The following MUC5AC variants were observed in gnomAD, a reference collection of about 807,000 sequenced individuals.
The protein encoded by MUC5AC is mucin-5AC.
Under a neutral mutation model 169.7 loss-of-function variants are expected in MUC5AC, and 158 were observed. The ratio of observed to expected loss-of-function variants is 0.93; its 90% CI spans 0.82 to 1.06. The LOEUF (loss-of-function observed/expected upper bound fraction) is 1.06, where lower values mean the gene tolerates loss of function less well. MUC5AC is among the 50% of genes least tolerant of loss of function. The probability of loss-of-function intolerance (pLI) is 0.00; values close to 1 mark genes in which losing one functional copy is unlikely to be tolerated. For missense variants in MUC5AC, 4,359 were observed against 3,089.9 expected, an observed-to-expected ratio of 1.41 and a Z score of -9.74; for synonymous variants, 1,975 against 1,237.0, an observed-to-expected ratio of 1.60 and a Z score of -12.52.
At chr11:1,162,673 G>A (rs762669470) in intron 5 of MUC5AC, 27 bp downstream of exon 5, 58 of 1,600,204 alleles carry the variant, frequency 3.6e-5, no homozygotes, top group East Asian at 1.1e-4. Flanking sequence ...GTGTCCCGGT[G>A]TGCAACTCCA....
Position 1,175,121 on chromosome 11 carries a change from G to A in MUC5AC, c.2332G>A (p.Asp778Asn), listed in dbSNP as rs918439995. 3.0e-5 allele frequency: 12 copies of A among 398,624 alleles called. No individual in the cohort carries two copies. The highest frequency in any genetic ancestry group is 6.2e-5 in the African/African-American group (3 of 48,640). The allele number at this position is 398,624 out of a possible 1,614,324, so 24.7% of individuals were successfully genotyped here. ...SMIPNGESVH[D>N]SGAICTCTHG... The stretch of plus-strand genomic sequence containing the variant: ...GATCCCCAATGGGGAGTCGGTGCAC[G>A]ACAGCGGGGCTATCTGGTAAGAGCT... Residue 778 changes from aspartate to asparagine, a missense_variant, in exon 18 of 49, where the codon GAC becomes AAC. By Grantham distance (23) the Asp-to-Asn change is conservative. Coordinates refer to ENST00000621226, the MANE Select transcript of MUC5AC (RefSeq NM_001304359.2).
Position 1,172,945 on chromosome 11 carries a change from CCCACTCACCCATTCACTCACTCAT to C in MUC5AC, c.1965+434_1965+457del, listed in dbSNP as rs1380584791. Among the ~76,000 whole-genome samples the C allele has an allele frequency of 3.0e-3, 446 of 150,542 alleles. 2 individuals carry two copies. Among genetic ancestry groups the C allele is most frequent in the African/African-American group, 0.01 (423 of 40,816 alleles). On this transcript the variant is annotated intron_variant, in intron 16 of 48. Coordinates refer to ENST00000621226, the MANE Select transcript of MUC5AC (RefSeq NM_001304359.2). The stretch of plus-strand genomic sequence containing the variant: ...ACCCACTCACCCATTCTCTCACTCG[CCCACTCACCCATTCACTCACTCAT>C]CCACTCACCCACCCATTCACCCACT...
rs79770616 is a variant in MUC5AC, at chr11:1,192,021, G to A, written c.13876G>A (p.Asp4626Asn). 2.6e-6 allele frequency: 2 copies of A among 765,138 alleles called. No homozygotes were observed. The highest frequency in any genetic ancestry group is 4.8e-6 in the Non-Finnish European group (2 of 417,916). The allele number at this position is 765,138 out of a possible 1,614,324, so 47.4% of individuals were successfully genotyped here. A position where few individuals can be genotyped will look rare whatever the true frequency, so the allele number is the denominator to read the frequency against. ...AACCCACTCCCAACCAGTCACCAGT[G>A]ACTGTCATCCTCTGTGCGCCTGGAC... is the stretch of plus-strand genomic sequence containing the variant. ...KTTHSQPVTSDCHPLCAWTKW... is the reference protein window; with the variant it reads ...KTTHSQPVTSNCHPLCAWTKW... The change falls in exon 31 of 49, where the codon GAC (aspartate) becomes AAC (asparagine). Residue 4626 changes from aspartate to asparagine, a missense_variant. Asp to Asn is a conservative substitution (Grantham distance 23). Transcript: ENST00000621226.
chr11:1,162,734 TGCCCTGG>T (rs2133716052), intron 5 of MUC5AC, 88 bp downstream of exon 5: 2 of 1,304,856 alleles, frequency 1.5e-6, no homozygotes, highest in Admixed American at 3.6e-5. Context: ...GGGTAGAAGG[TGCCCTGG>T]GCCCAGTCAG....
In MUC5AC at chr11:1,194,506, T is replaced by C; in HGVS notation, c.15026T>C (p.Val5009Ala). Residue 5009 changes from valine (V) to alanine (A), a missense_variant, in exon 35 of 49, where the codon GTG (valine) becomes GCG (alanine). By Grantham distance (64) the Val-to-Ala change is moderately conservative. Coordinates refer to ENST00000621226, the MANE Select transcript of MUC5AC (RefSeq NM_001304359.2). ...MTNEIIFNNK[V>A]VSPGFRKNGI... ...GTCCAGATCATCTTCAACAACAAGG[T>C]GGTCAGCCCCGGCTTCCGGAAAAAC... 1 of 760,454 alleles carries C rather than the reference T, an allele frequency of 1.3e-6. No individual in the cohort carries two copies. Among genetic ancestry groups the C allele is most frequent in the Non-Finnish European group, 2.4e-6 (1 of 414,772 alleles). The allele number at this position is 760,454 out of a possible 1,614,324, so 47.1% of individuals were successfully genotyped here.
Position 1,188,395 on chromosome 11 carries a change from C to T in MUC5AC, c.10250C>T (p.Ala3417Val). 1.6e-6 allele frequency: 1 copy of T among 631,270 alleles called. No individual in the cohort carries two copies. The highest frequency in any genetic ancestry group is 1.7e-5 in the South Asian group (1 of 59,120). The allele number at this position is 631,270 out of a possible 1,614,324, so 39.1% of individuals were successfully genotyped here. A position where few individuals can be genotyped will look rare whatever the true frequency, so the allele number is the denominator to read the frequency against. The change falls in exon 31 of 49, where the codon GCT (alanine) becomes GTT (valine). Residue 3417 changes from alanine (A) to valine (V), a missense_variant. By Grantham distance (64) the Ala-to-Val change is moderately conservative. Transcript: ENST00000621226. ...GCCCCTACAAGCAGCACAACCTCGG[C>T]TCCTACAAGCAGCACAATCTCTGCT... ...SSAPTSSTTS[A>V]PTSSTISART... is the part of the protein sequence containing the mutation.
rs1406066640 is a variant in MUC5AC at position 1,178,584 on chromosome 11, G to A, written c.3228G>A (p.Ala1076=). The part of the protein sequence containing the change: ...KLSPSCPDAL[A]PKDPCTANPF... ...CCCCCTCCTGCCCAGATGCCCTGGC[G>A]CCCAAGGACCCCTGCACGGCCAACC... Residue 1076 remains alanine (A), a synonymous_variant, in exon 25 of 49, where the codon GCG becomes GCA. Transcript: ENST00000621226. 17 of 1,410,918 alleles carry A rather than the reference G, an allele frequency of 1.2e-5. No homozygotes were observed. The highest frequency in any genetic ancestry group is 1.9e-4 in the Middle Eastern group (1 of 5,338). The allele number at this position is 1,410,918 out of a possible 1,614,324, so 87.4% of individuals were successfully genotyped here.
Position 1,192,446 on chromosome 11 carries a change from C to T in MUC5AC, c.14301C>T (p.Ser4767=), listed in dbSNP as rs765459420. The stretch of plus-strand genomic sequence containing the variant: ...CCGTGGCATCCACCTCTGTGGCATC[C>T]AGCTCTGTGGCATCCAGCTCTGTGG... ...SASVASTSVA[S]SSVASSSVAY... Residue 4767 remains serine (S), a synonymous_variant, in exon 31 of 49, where the codon TCC becomes TCT. Coordinates refer to ENST00000621226, the MANE Select transcript of MUC5AC (RefSeq NM_001304359.2). The T allele has an allele frequency of 2.6e-6, 2 of 764,820 alleles. No homozygotes were observed. Among genetic ancestry groups the T allele is most frequent in the African/African-American group, 3.4e-5 (2 of 59,218 alleles). The allele number at this position is 764,820 out of a possible 1,614,324, so 47.4% of individuals were successfully genotyped here. A position where few individuals can be genotyped will look rare whatever the true frequency, so the allele number is the denominator to read the frequency against.
chr11:1,199,409 G>T lies in MUC5AC; in HGVS notation c.16434G>T (p.Val5478=). The T allele has an allele frequency of 1.4e-6, 1 of 729,586 alleles. No homozygotes were observed. The highest frequency in any genetic ancestry group is 2.6e-5 in the East Asian group (1 of 39,014). 45.2% of individuals were successfully genotyped at this position (729,586 alleles called of 1,614,324 possible). A position where few individuals can be genotyped will look rare whatever the true frequency, so the allele number is the denominator to read the frequency against. The change falls in exon 46 of 49, where the codon GTG becomes GTT. Residue 5478 remains valine (V), a synonymous_variant. Transcript: ENST00000621226. ...ETWSDAGNHC[V]THQCEKHQDG... Reference sequence around the variant, plus strand: ...GGTCAGACGCAGGGAACCACTGTGTGACCCACCAGTGTGAGAAGCACCAGG... The same window carrying T: ...GGTCAGACGCAGGGAACCACTGTGTTACCCACCAGTGTGAGAAGCACCAGG...
At position 1,185,604 on chromosome 11, in the gene MUC5AC, G is replaced by A; in HGVS notation, c.7459G>A (p.Gly2487Ser). 1.4e-6 allele frequency: 1 copy of A among 729,988 alleles called. No homozygotes were observed. Among genetic ancestry groups the A allele is most frequent in the South Asian group, 1.4e-5 (1 of 70,106 alleles). The allele number at this position is 729,988 out of a possible 1,614,324, so 45.2% of individuals were successfully genotyped here. The stretch of plus-strand genomic sequence containing the variant: ...TGCCGCTACAACCAGCACAACCTCT[G>A]GTCCTGAAACTACTCCTAGACCTGT... Reference protein sequence around the residue: ...TSAATTSTTSGPETTPRPVPT... With the variant: ...TSAATTSTTSSPETTPRPVPT... Residue 2487 changes from glycine to serine, a missense_variant, in exon 31 of 49, where the codon GGT (glycine) becomes AGT (serine). Physicochemically the swap from Gly to Ser is moderately conservative, Grantham distance 56. Coordinates refer to ENST00000621226, the MANE Select transcript of MUC5AC (RefSeq NM_001304359.2).
At chr11:1,172,083 G>A (rs1423946180) in intron 15 of MUC5AC, among the ~76,000 whole-genome samples, 1 of 152,280 alleles carries the variant, frequency 6.6e-6, no homozygotes, top group Non-Finnish European at 1.5e-5. Flanking sequence ...GGAAGCCAGG[G>A]TCCAGTGAGC....
At position 1,200,732 on chromosome 11, in the gene MUC5AC, G is replaced by A. The variant is rs1357136969; in HGVS notation, c.*30G>A. 2.9e-6 allele frequency: 2 copies of A among 699,560 alleles called. No individual in the cohort carries two copies. Among genetic ancestry groups the A allele is most frequent in the Non-Finnish European group, 2.6e-6 (1 of 381,368 alleles). The allele number at this position is 699,560 out of a possible 1,614,324, so 43.3% of individuals were successfully genotyped here. A position where few individuals can be genotyped will look rare whatever the true frequency, so the allele number is the denominator to read the frequency against. ...CACTGCCGCCCTCCTGACCTCCAAG[G>A]AGAACCTCCCATATGTCCTCTGAGC... On this transcript the variant is annotated 3_prime_UTR_variant, in exon 49 of 49. Coordinates refer to ENST00000621226, the MANE Select transcript of MUC5AC (RefSeq NM_001304359.2).
At chr11:1,199,335 G>C (rs762238449) in intron 45 of MUC5AC, 36 bp from the exon 46 acceptor site, 57 of 702,918 alleles carry the variant, frequency 8.1e-5, no homozygotes, top group Admixed American at 2.6e-4. Context: ...CAGACGGAGG[G>C]AGGGTCACTC....
At position 1,165,395 on chromosome 11, in the gene MUC5AC, C is replaced by T. The variant is rs1320025450; in HGVS notation, c.1223C>T (p.Thr408Ile). The change falls in exon 10 of 49, where the codon ACC (threonine) becomes ATC (isoleucine). Residue 408 changes from threonine (T) to isoleucine (I), a missense_variant. Transcript: ENST00000621226. ...YNGAAYAPGA[T>I]YSTDCTNCTC... ...GGGGCTGCCTATGCCCCAGGGGCCA[C>T]CTACTCCACAGACTGCACCAACTGG... 6.2e-7 allele frequency: 1 copy of T among 1,612,248 alleles called. No individual in the cohort carries two copies. Among genetic ancestry groups the T allele is most frequent in the South Asian group, 1.1e-5 (1 of 91,070 alleles).
Position 1,176,830 on chromosome 11 carries a change from G to A in MUC5AC, c.2655-98G>A, listed in dbSNP as rs991170430. 7.5e-5 allele frequency: 30 copies of A among 398,556 alleles called. 1 individual carries two copies. Among genetic ancestry groups the A allele is most frequent in the South Asian group, 2.6e-4 (2 of 7,794 alleles). 24.7% of individuals were successfully genotyped at this position (398,556 alleles called of 1,614,324 possible). The stretch of plus-strand genomic sequence containing the variant: ...CCAGCCAGGGAGGCCCAGTGGGCGC[G>A]TGTCTATGGTGCCAGGTCCCCCCAG... On this transcript the variant is annotated intron_variant, in intron 21 of 48. Coordinates refer to ENST00000621226, the MANE Select transcript of MUC5AC (RefSeq NM_001304359.2).
In MUC5AC at chr11:1,185,619, C is replaced by A; in HGVS notation, c.7474C>A (p.Pro2492Thr). 2 of 731,878 alleles carry A rather than the reference C, an allele frequency of 2.7e-6. No homozygotes were observed. The highest frequency in any genetic ancestry group is 5.0e-5 in the East Asian group (2 of 39,682). The allele number at this position is 731,878 out of a possible 1,614,324, so 45.3% of individuals were successfully genotyped here. ...TSTTSGPETT[P>T]RPVPTTSTTS... Reference sequence around the variant, plus strand: ...CACAACCTCTGGTCCTGAAACTACTCCTAGACCTGTTCCTACCACCAGCAC... The same window carrying A: ...CACAACCTCTGGTCCTGAAACTACTACTAGACCTGTTCCTACCACCAGCAC... Residue 2492 changes from proline (P) to threonine (T), a missense_variant, in exon 31 of 49, where the codon CCT (proline) becomes ACT (threonine). Coordinates refer to ENST00000621226, the MANE Select transcript of MUC5AC (RefSeq NM_001304359.2).
At chr11:1,177,157 T>C in intron 22 of MUC5AC, 74 bp from the exon 23 acceptor site, 1 of 398,576 alleles carries the variant, frequency 2.5e-6, no homozygotes, top group Middle Eastern at 6.3e-4. Context: ...TGCACACAGG[T>C]TGTCCCCGCC....
intron 26 of MUC5AC, among the ~76,000 whole-genome samples, chr11:1,179,787 C>G (rs1414670944): frequency 1.3e-5 from 2 of 151,866 alleles, no homozygotes; most frequent in Non-Finnish European, 2.9e-5. Context: ...CCACACGGAG[C>G]CTTGCCGGGA....
chr11:1,176,549 C>T lies in MUC5AC; in HGVS notation c.2538C>T (p.Pro846=), dbSNP rs1360343714. ...AGTGTGTGCCTGGCTGCGTGTGCCC[C>T]GACGGGCTGGTGGCGGACGGCGAGG... is the stretch of plus-strand genomic sequence containing the variant. The part of the protein sequence containing the change: ...SPQCVPGCVC[P]DGLVADGEGG... Residue 846 remains proline (P), a synonymous_variant, in exon 21 of 49, where the codon CCC becomes CCT. Transcript: ENST00000621226. 15 of 399,798 alleles carry T rather than the reference C, an allele frequency of 3.8e-5. No individual in the cohort carries two copies. Among genetic ancestry groups the T allele is most frequent in the Non-Finnish European group, 4.8e-5 (11 of 227,056 alleles). The allele number at this position is 399,798 out of a possible 1,614,324, so 24.8% of individuals were successfully genotyped here.
Sources: gnomAD v4.1 joint callset for allele counts (sites outside exome capture counted in the v4.1 genomes callset) on GRCh38, gnomAD v4.1.1 for gene constraint, MANE v1.5 for transcripts, NCBI Gene and HGNC (gene_info 2026-07-23, HGNC 2026-07-21) for gene names.